Variants in MXD4 observed in about 807,000 individuals in gnomAD.
The protein encoded by MXD4 is Mad4 homolog.
Under a neutral mutation model 24.5 loss-of-function variants are expected in MXD4, and 16 were observed. The observed-to-expected ratio is 0.65, with a 90% CI of 0.44 to 0.99. MXD4 has a LOEUF of 0.99. Ranked by LOEUF, MXD4 falls within the 50% of genes least tolerant of loss-of-function variation. The pLI is 0.00. For synonymous variants in MXD4, 164 were observed against 134.2 expected, an observed-to-expected ratio of 1.22 and a Z score of -1.54; for missense variants, 301 against 301.5, an observed-to-expected ratio of 1.00 and a Z score of 0.01.
In MXD4 at chr4:2,250,542, G is replaced by C. The variant is rs746703314; in HGVS notation, c.*2C>G. The C allele has an allele frequency of 6.3e-6, 10 of 1,576,522 alleles. No individual in the cohort carries two copies. The African/African-American group carries it at 9.5e-5, about 15-fold the overall frequency. ...GCAGGCCAAGGAGCAGAGGGCACGG[G>C]CCTACGAGAGGGCGGGGCGGCCCAG... On this transcript the variant is annotated 3_prime_UTR_variant, in exon 6 of 6. Coordinates refer to ENST00000337190, the MANE Select transcript of MXD4 (RefSeq NM_006454.3).
chr4:2,254,434 C>T (rs933613870), intron 3 of MXD4: 4 of 152,090 alleles, frequency 2.6e-5, no homozygotes, highest in South Asian at 2.1e-4. Context: ...GCGAAGCACC[C>T]GGCAATTTTA....
chr4:2,252,804 C>A (rs1735352076), intron 3 of MXD4: 4 of 365,958 alleles, frequency 1.1e-5, no homozygotes, highest in South Asian at 9.3e-5. Flanking sequence ...CCCCAGCTCG[C>A]CCCCCTGCCA....
chr4:2,250,448 T>G lies in MXD4; in HGVS notation c.*96A>C. 1 of 1,378,926 alleles carries G rather than the reference T, an allele frequency of 7.3e-7. No homozygotes were observed. The highest frequency in any genetic ancestry group is 9.6e-7 in the Non-Finnish European group (1 of 1,037,632). The allele number at this position is 1,378,926 out of a possible 1,614,324, so 85.4% of individuals were successfully genotyped here. ...TGGAGCTTCCAGAATGGCACAGCAG[T>G]GGGCCTGTGGAGAGGCTGGCGTCAA... is the stretch of plus-strand genomic sequence containing the variant. On this transcript the variant is annotated 3_prime_UTR_variant, in exon 6 of 6. Transcript: ENST00000337190.
chr4:2,248,534 TG>T lies in MXD4; in HGVS notation c.*2009del. The T allele has an allele frequency of 6.5e-6, 1 of 152,740 alleles. No homozygotes were observed. The highest frequency in any genetic ancestry group is 1.5e-5 in the Non-Finnish European group (1 of 68,448). The allele number at this position is 152,740 out of a possible 1,614,324, so 9.5% of individuals were successfully genotyped here. Reference sequence around the variant, plus strand: ...GTGCCACGGTGTTTGAAATGAAGCCTGGGGGGACAGACTCAGGCAGGCAGGG... The same window carrying T: ...GTGCCACGGTGTTTGAAATGAAGCCTGGGGGACAGACTCAGGCAGGCAGGG... On this transcript the variant is annotated 3_prime_UTR_variant, in exon 6 of 6. Transcript: ENST00000337190.
chr4:2,260,090 C>A (rs891083130), intron 2 of MXD4, among the ~76,000 whole-genome samples: 1 of 152,252 alleles, frequency 6.6e-6, no homozygotes, highest in African/African-American at 2.4e-5. Flanking sequence ...GTGCTGCCCA[C>A]CCGAGGAAGG....
intron 3 of MXD4, chr4:2,255,317 T>C: frequency 2.2e-6 from 1 of 453,680 alleles, no homozygotes; most frequent in Non-Finnish European, 4.4e-6. Context: ...GCAGGGGAGG[T>C]CCGTGAACAG....
intron 2 of MXD4, 84 bp from the exon 3 acceptor site, chr4:2,258,095 G>T: frequency 6.5e-7 from 1 of 1,533,766 alleles, no homozygotes; most frequent in Non-Finnish European, 9.0e-7. Flanking sequence ...AGGGGGCCAG[G>T]ACCTGCAGAC....
At chr4:2,257,701 G>A (rs1213371749) in intron 3 of MXD4, among the ~76,000 whole-genome samples, 1 of 152,226 alleles carries the variant, frequency 6.6e-6, no homozygotes, top group Non-Finnish European at 1.5e-5. Flanking sequence ...GGCCCTGACT[G>A]TCACACAGCA....
At chr4:2,250,897 A>T (rs2071659) in intron 5 of MXD4, among the ~76,000 whole-genome samples, 187 bp downstream of exon 5, 1 of 152,020 alleles carries the variant, frequency 6.6e-6, no homozygotes, top group Non-Finnish European at 1.5e-5. Context: ...CGGGCCACAC[A>T]GCCTCTGCAT....
chr4:2,257,946 T>G (rs1735463703), intron 3 of MXD4, 36 bp downstream of exon 3: 2 of 1,613,268 alleles, frequency 1.2e-6, no homozygotes, highest in Non-Finnish European at 1.7e-6. Flanking sequence ...GTGGGCCAGG[T>G]GTCGGGCTCA....
intron 2 of MXD4, 30 bp from the exon 3 acceptor site, chr4:2,258,041 A>T: frequency 6.2e-7 from 1 of 1,612,002 alleles, no homozygotes; most frequent in South Asian, 1.1e-5. Context: ...GACAGAGCTC[A>T]CTCTTCTGCC....
rs1321984041 is a variant in MXD4, at chr4:2,249,844, G to A, written c.*700C>T. The A allele has an allele frequency of 6.5e-6, 1 of 152,764 alleles. No individual in the cohort carries two copies. Among genetic ancestry groups the A allele is most frequent in the East Asian group, 1.9e-4 (1 of 5,200 alleles). 9.5% of individuals were successfully genotyped at this position (152,764 alleles called of 1,614,324 possible). ...GACGCCCAGGTGTGTCTGCATGTGT[G>A]AGCATGTACATGAGTGGGTGTGTCT... On this transcript the variant is annotated 3_prime_UTR_variant, in exon 6 of 6. Transcript: ENST00000337190.
intron 3 of MXD4, among the ~76,000 whole-genome samples, chr4:2,256,963 GGCCT>G (rs1735443818): frequency 6.6e-6 from 1 of 152,168 alleles, no homozygotes; most frequent in Admixed American, 6.5e-5. Flanking sequence ...AACAATTCCA[GGCCT>G]GCCTGGTTCT....
Position 2,250,674 on chromosome 4 carries a change from C to T in MXD4, c.500G>A (p.Gly167Asp). The change falls in exon 6 of 6, where the codon GGC becomes GAC. Residue 167 changes from glycine to aspartate, a missense_variant. Transcript: ENST00000337190. ...QEVDIEGMEF[G>D]PGELDSVGSS... is the part of the protein sequence containing the mutation. ...GCCAACACTGTCCAGCTCACCAGGGCCAAACTCCATGCCCTCTATGTCCAC... is the reference window on the plus strand; with the variant it reads ...GCCAACACTGTCCAGCTCACCAGGGTCAAACTCCATGCCCTCTATGTCCAC... 6.2e-7 allele frequency: 1 copy of T among 1,613,706 alleles called. No individual in the cohort carries two copies. The highest frequency in any genetic ancestry group is 8.5e-7 in the Non-Finnish European group (1 of 1,179,934).
Position 2,261,746 on chromosome 4 carries a change from AC to A in MXD4, c.142del (p.Val48CysfsTer14). The stretch of plus-strand genomic sequence containing the variant: ...GTACCTGTTGTTCGGGGCCTTGCGC[AC>A]CAGGCCGGCCGCCTTTGTTTTCTCC... ...AREKTKAAGL[V>X]RKAPNNRSSH... On this transcript the variant is annotated frameshift_variant, in exon 2 of 6. Coordinates refer to ENST00000337190, the MANE Select transcript of MXD4 (RefSeq NM_006454.3). LOFTEE classifies it high-confidence loss of function. 7.0e-7 allele frequency: 1 copy of A among 1,419,954 alleles called. No homozygotes were observed. Among genetic ancestry groups the A allele is most frequent in the Non-Finnish European group, 9.3e-7 (1 of 1,079,552 alleles). The allele number at this position is 1,419,954 out of a possible 1,614,324, so 88.0% of individuals were successfully genotyped here. A position where few individuals can be genotyped will look rare whatever the true frequency, so the allele number is the denominator to read the frequency against.
intron 3 of MXD4, among the ~76,000 whole-genome samples, chr4:2,256,233 C>T (rs932894536): frequency 2.6e-5 from 4 of 152,200 alleles, no homozygotes; most frequent in African/African-American, 4.8e-5. Flanking sequence ...GCCAAGAAGG[C>T]GAGGCCTCCA....
intron 2 of MXD4, 56 bp from the exon 3 acceptor site, chr4:2,258,067 AG>A (rs1329411645): frequency 3.0e-5 from 48 of 1,603,760 alleles, no homozygotes; most frequent in Admixed American, 5.0e-5. Flanking sequence ...ACCAGGGCAC[AG>A]AGAGCAGTGC....
chr4:2,258,363 G>A (rs566728250), intron 2 of MXD4, among the ~76,000 whole-genome samples: 42 of 152,226 alleles, frequency 2.8e-4, no homozygotes, highest in Admixed American at 7.8e-4. Context: ...GGTCCAGGGC[G>A]CCCAGGGCCA....
At chr4:2,252,106 T>C (rs1230637662) in intron 4 of MXD4, among the ~76,000 whole-genome samples, 2 of 151,920 alleles carry the variant, frequency 1.3e-5, no homozygotes, top group African/African-American at 4.8e-5. Flanking sequence ...GAGCAATCTG[T>C]CCCCCGACCT....
Sources: allele counts gnomAD v4.1 joint callset (sites outside exome capture counted in the v4.1 genomes callset), GRCh38; gene constraint gnomAD v4.1.1; transcripts MANE v1.5; gene names NCBI Gene and HGNC (gene_info 2026-07-23, HGNC 2026-07-21).